TCF3: variants seen among roughly 807,000 people sequenced by gnomAD.
TCF3 encodes the protein transcription factor 3.
In TCF3, 54 loss-of-function variants were observed where a neutral mutation model predicts 72.3. That is an observed-to-expected ratio of 0.75 (90% confidence interval 0.60 to 0.94). TCF3 has a LOEUF of 0.94. Among genes scored for constraint, TCF3 ranks in the 40% least tolerant of loss-of-function variants. The pLI, the probability that TCF3 is intolerant of heterozygous loss-of-function variation, is 0.00. For synonymous variants in TCF3, 525 were observed against 412.6 expected (o/e 1.27, Z -3.30); for missense variants, 1,078 against 934.4 (o/e 1.15, Z -2.00).
intron 2 of TCF3, among the ~76,000 whole-genome samples, chr19:1,648,818 G>T (rs1427223095): frequency 8.5e-4 from 26 of 30,432 alleles, no homozygotes; most frequent in Non-Finnish European, 1.3e-3. Flanking sequence ...CACTGGGCAT[G>T]GGGGGGGGGG....
Position 1,622,183 on chromosome 19 carries a change from C to G in TCF3, c.693G>C (p.Pro231=), listed in dbSNP as rs749477103. 2 of 1,567,662 alleles carry G rather than the reference C, an allele frequency of 1.3e-6. No homozygotes were observed. The highest frequency in any genetic ancestry group is 2.3e-5 in the South Asian group (2 of 85,776). ...LHPSAELWSP[P]GQAGFGPMLG... ...GCATGGGCCCGAAGCCCGCCTGGCC[C>G]GGGGGACTCCAGAGCTCGGCTGAGG... The change falls in exon 10 of 19, where the codon CCG becomes CCC. Residue 231 remains proline (P), a synonymous_variant. Coordinates refer to ENST00000262965, the MANE Select transcript of TCF3 (RefSeq NM_003200.5).
intron 10 of TCF3, 29 bp downstream of exon 10, chr19:1,622,025 C>T (rs2080298148): frequency 6.3e-7 from 1 of 1,594,668 alleles, no homozygotes; most frequent in African/African-American, 1.3e-5. Context: ...ACCCTCCGCC[C>T]ACCCCCTGCC....
intron 18 of TCF3, among the ~76,000 whole-genome samples, chr19:1,612,888 G>A (rs534801167): frequency 3.5e-4 from 53 of 151,534 alleles, no homozygotes; most frequent in Admixed American, 3.3e-3. Context: ...CATGGCTGGT[G>A]TGGGTGTGGA....
Position 1,632,422 on chromosome 19 carries a change from G to C in TCF3, c.146-17C>G. On this transcript the variant is annotated splice_polypyrimidine_tract_variant and intron_variant, in intron 3 of 18. Coordinates refer to ENST00000262965, the MANE Select transcript of TCF3 (RefSeq NM_003200.5). ...CCTCAAGACCTGCAGGCAGGACAGAGAGAGTTATGGGTCACCCTCACGCCT... is the reference window on the plus strand; with the variant it reads ...CCTCAAGACCTGCAGGCAGGACAGACAGAGTTATGGGTCACCCTCACGCCT... 3 of 1,582,486 alleles carry C rather than the reference G, an allele frequency of 1.9e-6. No homozygotes were observed. The highest frequency in any genetic ancestry group is 2.3e-5 in the East Asian group (1 of 43,510).
intron 1 of TCF3, chr19:1,650,505 G>T: frequency 2.2e-6 from 1 of 451,484 alleles, no homozygotes; most frequent in Non-Finnish European, 3.9e-6. Flanking sequence ...CCTCCCCAGA[G>T]ACCACAGGGA....
chr19:1,620,061 A>G (rs1199241576), intron 13 of TCF3, among the ~76,000 whole-genome samples: 3 of 152,124 alleles, frequency 2.0e-5, no homozygotes, highest in Non-Finnish European at 2.9e-5. Context: ...TGCCATTCCT[A>G]TCTCTGAGCC....
chr19:1,619,635 G>A (rs965427291), intron 14 of TCF3, 145 bp downstream of exon 14: 3 of 1,278,594 alleles, frequency 2.3e-6, no homozygotes, highest in Non-Finnish European at 2.1e-6. Context: ...CACACAAAAT[G>A]TGTGTGCCTT....
chr19:1,646,374 C>G lies in TCF3; in HGVS notation c.126G>C (p.Gly42=). The change falls in exon 3 of 19, where the codon GGG becomes GGC. Residue 42 remains glycine, a synonymous_variant. Transcript: ENST00000262965. ...NGKGRPASLA[G]AQFGGSGLED... is the part of the protein sequence containing the mutation. The stretch of plus-strand genomic sequence containing the variant: ...TCCTACCTGAACCTCCGAACTGCGC[C>G]CCGGCCAGGGAGGCGGGCCGGCCCT... The G allele has an allele frequency of 6.4e-7, 1 of 1,550,402 alleles. No homozygotes were observed. The highest frequency in any genetic ancestry group is 1.4e-5 in the African/African-American group (1 of 73,132).
chr19:1,617,973 T>C (rs1020419343), intron 16 of TCF3, among the ~76,000 whole-genome samples: 5 of 152,142 alleles, frequency 3.3e-5, no homozygotes, highest in Non-Finnish European at 5.9e-5. Flanking sequence ...ATCAAGGTAC[T>C]TGGAAAGTCT....
intron 7 of TCF3, 65 bp downstream of exon 7, chr19:1,625,511 C>T: frequency 3.4e-6 from 5 of 1,473,210 alleles, no homozygotes; most frequent in Non-Finnish European, 4.5e-6. Flanking sequence ...TAACGGGAAG[C>T]CTCCTACCTC....
At position 1,621,006 on chromosome 19, in the gene TCF3, C is replaced by G. The variant is rs878870886; in HGVS notation, c.1055G>C (p.Ser352Thr). Residue 352 changes from serine (S) to threonine (T), a missense_variant, in exon 13 of 19, where the codon AGC (serine) becomes ACC (threonine). By Grantham distance (58) the Ser-to-Thr change is moderately conservative (BLOSUM62 1). Transcript: ENST00000262965. ...PDHSSNNFSS[S>T]PSTPVGSPQG... ...GGGGGAGCCCACGGGGGTAGAAGGG[C>G]TGGACGAGAAGTTATTGCTTGAGTG... is the stretch of plus-strand genomic sequence containing the variant. The G allele has an allele frequency of 1.3e-6, 2 of 1,519,398 alleles. No homozygotes were observed. The highest frequency in any genetic ancestry group is 1.8e-6 in the Non-Finnish European group (2 of 1,134,056). 94.1% of individuals were successfully genotyped at this position (1,519,398 alleles called of 1,614,324 possible).
chr19:1,627,207 CCCAG>C (rs2144601130), intron 6 of TCF3, 148 bp downstream of exon 6: 7 of 477,386 alleles, frequency 1.5e-5, no homozygotes, highest in South Asian at 4.5e-5. Flanking sequence ...TCCACACCCA[CCCAG>C]CCCACCCTGG....
chr19:1,624,028 G>A (rs753035791), intron 7 of TCF3, 28 bp from the exon 8 acceptor site: 11 of 1,611,042 alleles, frequency 6.8e-6, no homozygotes, highest in African/African-American at 1.3e-5. Context: ...GGTGAGAACC[G>A]GCCACCGGCC....
At chr19:1,629,636 C>T (rs2144772303) in intron 5 of TCF3, among the ~76,000 whole-genome samples, 1 of 152,280 alleles carries the variant, frequency 6.6e-6, no homozygotes, top group Non-Finnish European at 1.5e-5. Context: ...CACCTGGATC[C>T]AGCCTTGCCT....
At chr19:1,621,305 C>G (rs1307245904) in intron 11 of TCF3, 114 bp from the exon 12 acceptor site, 2 of 1,288,658 alleles carry the variant, frequency 1.6e-6, no homozygotes, top group Non-Finnish European at 2.1e-6. Context: ...GGGAGAGCAG[C>G]CTGACTCGGG....
At position 1,615,796 on chromosome 19, in the gene TCF3, C is replaced by T. The variant is rs530078644; in HGVS notation, c.1476G>A (p.Ala492=). 2.9e-5 allele frequency: 45 copies of T among 1,575,388 alleles called. No homozygotes were observed. Among genetic ancestry groups the T allele is most frequent in the South Asian group, 1.4e-4 (12 of 84,490 alleles). The change falls in exon 17 of 19, where the codon GCG becomes GCA. Residue 492 remains alanine (A), a synonymous_variant. Coordinates refer to ENST00000262965, the MANE Select transcript of TCF3 (RefSeq NM_003200.5). The surrounding 1 kb of genome is among the most constrained non-coding windows in gnomAD (Gnocchi z 7.3). ...YSGLGRAGAT[A]AASEIKREEK... ...CCTCCCGCTTGATCTCGCTGGCGGC[C>T]GCCGTGGCACCTGCTCGCCCTAGCC...
intron 3 of TCF3, among the ~76,000 whole-genome samples, chr19:1,644,214 G>A (rs534977190): frequency 1.3e-5 from 2 of 152,358 alleles, no homozygotes; most frequent in East Asian, 1.9e-4. Flanking sequence ...GACGATGGAA[G>A]AGAGCAGGTG....
intron 16 of TCF3, among the ~76,000 whole-genome samples, chr19:1,618,428 C>T (rs775462134): frequency 1.3e-5 from 2 of 152,136 alleles, no homozygotes; most frequent in Non-Finnish European, 2.9e-5. Context: ...CAGCCCTCCA[C>T]GGCTGCCACC....
chr19:1,614,876 G>C lies in TCF3; in HGVS notation c.1822+409C>G, dbSNP rs1013365753. 2.6e-5 allele frequency among the ~76,000 whole-genome samples: 4 copies of C among 152,182 alleles called. No homozygotes were observed. The highest frequency in any genetic ancestry group is 9.7e-5 in the African/African-American group (4 of 41,434). On this transcript the variant is annotated intron_variant, in intron 18 of 18. Coordinates refer to ENST00000262965, the MANE Select transcript of TCF3 (RefSeq NM_003200.5). This position sits in a 1 kb window ranked among gnomAD's most constrained non-coding sequence, Gnocchi z 5.6. ...GCATCTGCCTGACGGGAAGGGGCCA[G>C]GGTGGTTTGCACACCAGCTCCTGTC...
Sources: allele counts gnomAD v4.1 joint callset (sites outside exome capture counted in the v4.1 genomes callset), GRCh38; gene constraint gnomAD v4.1.1; non-coding constraint Gnocchi (gnomAD v3.1); transcripts MANE v1.5; gene names NCBI Gene and HGNC (gene_info 2026-07-23, HGNC 2026-07-21).